Variants in GALNT2 observed in about 807,000 individuals in gnomAD.
GALNT2 encodes polypeptide N-acetylgalactosaminyltransferase 2.
In GALNT2, 31 loss-of-function variants were observed where a neutral mutation model predicts 81.4. The ratio of observed to expected loss-of-function variants is 0.38; its 90% CI spans 0.29 to 0.51. The LOEUF (loss-of-function observed/expected upper bound fraction) is 0.51, where lower values mean the gene tolerates loss of function less well. Among genes scored for constraint, GALNT2 ranks in the 20% least tolerant of loss-of-function variants. The probability of loss-of-function intolerance (pLI) is 0.87; values close to 1 mark genes in which losing one functional copy is unlikely to be tolerated. For missense variants in GALNT2, 629 were observed against 765.7 expected, an observed-to-expected ratio of 0.82 and a Z score of 2.11; for synonymous variants, 303 against 287.4, an observed-to-expected ratio of 1.05 and a Z score of -0.55.
rs1306916821 is a variant in GALNT2, at chr1:230,255,240, G to A, written c.1032G>A (p.Gln344=). 6.2e-7 allele frequency: 1 copy of A among 1,614,074 alleles called. No individual in the cohort carries two copies. Among genetic ancestry groups the A allele is most frequent in the African/African-American group, 1.3e-5 (1 of 74,918 alleles). Residue 344 remains glutamine (Q), a synonymous_variant, in exon 11 of 16, where the codon CAG becomes CAA. Transcript: ENST00000366672. The part of the protein sequence containing the change: ...ENLEISFRVW[Q]CGGSLEIIPC... ...CAGAGATCTCGTTCCGCGTGTGGCA[G>A]TGTGGTGGCAGCCTGGAGATCATCC...
At chr1:230,078,222 TA>T (rs1179559518) in intron 1 of GALNT2, among the ~76,000 whole-genome samples, 2 of 152,216 alleles carry the variant, frequency 1.3e-5, no homozygotes, top group African/African-American at 4.8e-5. Flanking sequence ...GTTATATTAT[TA>T]AAAATCCTTA....
At chr1:230,063,674 T>C (rs1017335365), upstream of GALNT2, among the ~76,000 whole-genome samples, 4 of 152,250 alleles carry the variant, frequency 2.6e-5, no homozygotes, top group Non-Finnish European at 5.9e-5. Flanking sequence ...AAACTAATAA[T>C]GATTTTACTT....
At chr1:230,176,222 A>T (rs1662974525) in intron 1 of GALNT2, among the ~76,000 whole-genome samples, 2 of 152,088 alleles carry the variant, frequency 1.3e-5, no homozygotes, top group Non-Finnish European at 2.9e-5. Flanking sequence ...TGGAAGGAAG[A>T]AGGGAGGGTG....
intron 13 of GALNT2, chr1:230,263,921 C>A (rs1665955591): frequency 1.3e-5 from 2 of 152,244 alleles, no homozygotes; most frequent in African/African-American, 4.8e-5. Flanking sequence ...CTCTGTTGCT[C>A]CTGTTCGCTC....
intron 1 of GALNT2, among the ~76,000 whole-genome samples, chr1:230,122,268 C>A (rs1351914821): frequency 6.6e-6 from 1 of 152,030 alleles, no homozygotes; most frequent in African/African-American, 2.4e-5. Context: ...GGCTAGTGGA[C>A]CAGTTCTTTT....
chr1:230,140,694 A>G (rs1011321040), intron 1 of GALNT2, among the ~76,000 whole-genome samples: 2 of 152,168 alleles, frequency 1.3e-5, no homozygotes, highest in South Asian at 4.1e-4. Context: ...GTCTGTGTCA[A>G]GTGTTTAGAG....
At chr1:230,195,169 A>G (rs1369156508) in intron 2 of GALNT2, among the ~76,000 whole-genome samples, 2 of 152,210 alleles carry the variant, frequency 1.3e-5, no homozygotes, top group South Asian at 2.1e-4. Flanking sequence ...GCACAGCCAG[A>G]ACCCGAGAGG....
Position 230,158,194 on chromosome 1 carries a change from G to C in GALNT2, c.127-20024G>C, listed in dbSNP as rs565504442. On this transcript the variant is annotated intron_variant, in intron 1 of 15. Coordinates refer to ENST00000366672, the MANE Select transcript of GALNT2 (RefSeq NM_004481.5). The stretch of plus-strand genomic sequence containing the variant: ...AGCCCTCGGGAGGCCCGGGTAGCAG[G>C]GGGGCAGGATGAAGGGGGCATTTCG... Among the ~76,000 whole-genome samples the C allele has an allele frequency of 4.6e-5, 7 of 152,170 alleles. No homozygotes were observed. In the East Asian group the frequency reaches 5.8e-4, roughly 13 times the overall value.
chr1:230,265,609 A>G (rs1273605360), intron 14 of GALNT2, among the ~76,000 whole-genome samples: 1 of 152,224 alleles, frequency 6.6e-6, no homozygotes, highest in East Asian at 1.9e-4. Flanking sequence ...TGCAGCGGCA[A>G]GGGTGCACTG....
Position 230,279,708 on chromosome 1 carries a change from CT to C in GALNT2, c.*251del. 2 of 559,552 alleles carry C rather than the reference CT, an allele frequency of 3.6e-6. No individual in the cohort carries two copies. Among genetic ancestry groups the C allele is most frequent in the Non-Finnish European group, 6.6e-6 (2 of 303,708 alleles). 34.7% of individuals were successfully genotyped at this position (559,552 alleles called of 1,614,324 possible). ...CCCCCTTCCCCAGGCCGGAGCGCCC[CT>C]CTTCCTTCCAGCTTTCACTTCTGCC... On this transcript the variant is annotated 3_prime_UTR_variant, in exon 16 of 16. Transcript: ENST00000366672. The surrounding 1 kb of genome is among the most constrained non-coding windows in gnomAD (Gnocchi z 4.6).
chr1:230,220,435 G>A (rs1390101791), intron 3 of GALNT2, among the ~76,000 whole-genome samples: 16 of 152,094 alleles, frequency 1.1e-4, no homozygotes, highest in African/African-American at 3.9e-4. Flanking sequence ...TAGATGAGGG[G>A]AGCAGGGCAT....
chr1:230,072,838 G>A (rs1659417632), intron 1 of GALNT2, among the ~76,000 whole-genome samples: 1 of 152,204 alleles, frequency 6.6e-6, no homozygotes, highest in African/African-American at 2.4e-5. Flanking sequence ...GGGGCCTCTT[G>A]GACCCACTTC....
At chr1:230,092,191 T>TTTTTTTTTTTGTTTTTG (rs1558280335) in intron 1 of GALNT2, among the ~76,000 whole-genome samples, 3 of 149,406 alleles carry the variant, frequency 2.0e-5, no homozygotes, top group African/African-American at 7.4e-5. Context: ...TTTTTTTTTT[T>TTTTTTTTTTTGTTTTTG]TTTTTGCACT....
At chr1:230,142,240 G>A (rs1045221115) in intron 1 of GALNT2, among the ~76,000 whole-genome samples, 4 of 152,276 alleles carry the variant, frequency 2.6e-5, no homozygotes, top group Middle Eastern at 3.4e-3. Context: ...CCAGGCCACA[G>A]GAAGCATAAG....
At chr1:230,141,436 A>ACACTGACT (rs1661729010) in intron 1 of GALNT2, among the ~76,000 whole-genome samples, 1 of 152,120 alleles carries the variant, frequency 6.6e-6, no homozygotes, top group Non-Finnish European at 1.5e-5. Flanking sequence ...GTCTCATTAA[A>ACACTGACT]CACTGACTCC....
Position 230,279,801 on chromosome 1 carries a change from C to T in GALNT2, c.*343C>T, listed in dbSNP as rs1297601433. The T allele has an allele frequency of 1.2e-5, 6 of 491,282 alleles. No homozygotes were observed. The highest frequency in any genetic ancestry group is 5.8e-5 in the African/African-American group (3 of 51,632). 30.4% of individuals were successfully genotyped at this position (491,282 alleles called of 1,614,324 possible). On this transcript the variant is annotated 3_prime_UTR_variant, in exon 16 of 16. Coordinates refer to ENST00000366672, the MANE Select transcript of GALNT2 (RefSeq NM_004481.5). This position sits in a 1 kb window ranked among gnomAD's most constrained non-coding sequence, Gnocchi z 4.6. Reference sequence around the variant, plus strand: ...AGTGGTAGAAGCAACTGAACGGATGCGTGCGAGCTGAGGACAGGGCGGGAG... The same window carrying T: ...AGTGGTAGAAGCAACTGAACGGATGTGTGCGAGCTGAGGACAGGGCGGGAG...
At chr1:230,069,302 A>G (rs545425473) in intron 1 of GALNT2, among the ~76,000 whole-genome samples, 84 of 142,292 alleles carry the variant, frequency 5.9e-4, no homozygotes, top group African/African-American at 2.4e-3. Flanking sequence ...TTTTTTTTAA[A>G]GAATTCCTGG....
At chr1:230,165,069 T>C (rs1373756447) in intron 1 of GALNT2, among the ~76,000 whole-genome samples, 2 of 152,208 alleles carry the variant, frequency 1.3e-5, no homozygotes, top group South Asian at 2.1e-4. Context: ...CTTTAACATA[T>C]CTGGGCTAAA....
At position 230,128,372 on chromosome 1, in the gene GALNT2, G is replaced by A. The variant is rs139873109; in HGVS notation, c.127-49846G>A. The stretch of plus-strand genomic sequence containing the variant: ...ATATGGATTTTGTGGCCCTGAAGCC[G>A]TCAGCCACTTGGAGTTTTGGGGGGC... On this transcript the variant is annotated intron_variant, in intron 1 of 15. Transcript: ENST00000366672. 2.1e-3 allele frequency among the ~76,000 whole-genome samples: 310 copies of A among 148,560 alleles called. 1 individual carries two copies. The Middle Eastern group carries it at 0.024, about 12-fold the overall frequency.
Sources: gnomAD v4.1 joint callset for allele counts (sites outside exome capture counted in the v4.1 genomes callset) on GRCh38, gnomAD v4.1.1 for gene constraint, Gnocchi (gnomAD v3.1) non-coding constraint, MANE v1.5 for transcripts, NCBI Gene and HGNC (gene_info 2026-07-23, HGNC 2026-07-21) for gene names.